LRRC4C: variants seen among roughly 807,000 people sequenced by gnomAD.
LRRC4C encodes the protein leucine-rich repeat-containing protein 4C.
A neutral mutation model predicts 33.6 loss-of-function variants in LRRC4C; 5 were observed. That is an observed-to-expected ratio of 0.15 (90% CI 0.08 to 0.31). The LOEUF (loss-of-function observed/expected upper bound fraction) is 0.31, where lower values mean the gene tolerates loss of function less well. Among genes scored for constraint, LRRC4C ranks in the 10% least tolerant of loss-of-function variants. The probability of loss-of-function intolerance (pLI) is 1.00; values close to 1 mark genes in which losing one functional copy is unlikely to be tolerated. For missense variants in LRRC4C, 560 were observed against 796.7 expected (o/e 0.70, Z 3.58); for synonymous variants, 329 against 302.0 (o/e 1.09, Z -0.93).
At chr11:40,986,158 T>C (rs985201226) in intron 1 of LRRC4C, among the ~76,000 whole-genome samples, 1 of 152,156 alleles carries the variant, frequency 6.6e-6, no homozygotes, top group Non-Finnish European at 1.5e-5. Context: ...CAAAGTGATA[T>C]GATATAAAAG....
chr11:40,511,662 G>A (rs1955322129), intron 3 of LRRC4C, among the ~76,000 whole-genome samples: 2 of 152,146 alleles, frequency 1.3e-5, no homozygotes, highest in African/African-American at 2.4e-5. Flanking sequence ...CTCCAGACTC[G>A]AAACTGAAGC....
At position 40,194,577 on chromosome 11, in the gene LRRC4C, A is replaced by G. The variant is rs1014030397; in HGVS notation, c.-96+46942T>C. Among the ~76,000 whole-genome samples the G allele has an allele frequency of 3.3e-5, 5 of 150,688 alleles. No homozygotes were observed. The East Asian group carries it at 1.0e-3, about 30-fold the overall frequency. ...TAAGTGGGAGCTGAGCAATGAGAAC[A>G]TATGGGCACAGTGGGGGGAACATCA... On this transcript the variant is annotated intron_variant, in intron 5 of 6. Coordinates refer to ENST00000528697, the MANE Select transcript of LRRC4C (RefSeq NM_001258419.2).
intron 2 of LRRC4C, among the ~76,000 whole-genome samples, chr11:40,922,754 G>C (rs1957236549): frequency 6.6e-6 from 1 of 152,196 alleles, no homozygotes; most frequent in Admixed American, 6.5e-5. Context: ...ACAAATGCAA[G>C]GGCAGTAATA....
At position 41,072,647 on chromosome 11, in the gene LRRC4C, T is replaced by C. The variant is rs75378171; in HGVS notation, c.-495-138924A>G. ...AAGTCAATGAGACCTCATTTCTTTA[T>C]AAATTGCCCAGTATCAGGTAGTTCT... On this transcript the variant is annotated intron_variant, in intron 1 of 6. Transcript: ENST00000528697. Among the ~76,000 whole-genome samples, 575 of 152,240 alleles carry C rather than the reference T, an allele frequency of 3.8e-3. 3 individuals are homozygous for C. The highest frequency in any genetic ancestry group is 0.013 in the African/African-American group (533 of 41,540).
chr11:40,678,744 G>GC (rs1254803306), intron 2 of LRRC4C, among the ~76,000 whole-genome samples: 5 of 151,952 alleles, frequency 3.3e-5, no homozygotes, highest in African/African-American at 1.2e-4. Flanking sequence ...GGATTGTTAG[G>GC]CCCCCCAGCC....
At chr11:40,118,721 G>T (rs533418719) in intron 6 of LRRC4C, among the ~76,000 whole-genome samples, 51 of 152,254 alleles carry the variant, frequency 3.3e-4, no homozygotes, top group African/African-American at 1.2e-3. Flanking sequence ...GAAGGCCTGA[G>T]GACGAGAATG....
intron 1 of LRRC4C, among the ~76,000 whole-genome samples, chr11:40,975,030 G>T (rs1457017303): frequency 1.3e-5 from 2 of 152,158 alleles, no homozygotes; most frequent in Non-Finnish European, 2.9e-5. Context: ...TCTCCAGCCT[G>T]CAGATGTCCT....
chr11:40,562,250 C>T (rs1450775538), intron 3 of LRRC4C, among the ~76,000 whole-genome samples: 1 of 152,132 alleles, frequency 6.6e-6, no homozygotes, highest in Non-Finnish European at 1.5e-5. Context: ...CAACATGAAG[C>T]AACTAGATTT....
In LRRC4C at chr11:41,123,466, G is replaced by T. The variant is rs934524679; in HGVS notation, c.-495-189743C>A. Among the ~76,000 whole-genome samples the T allele has an allele frequency of 2.0e-5, 3 of 150,422 alleles. No homozygotes were observed. The South Asian group carries it at 6.4e-4, about 32-fold the overall frequency. Reference sequence around the variant, plus strand: ...TTTTTGTATTTTTAGTAGAGACGGGGTTTCACCGTTTTAGCCGGGATGGTC... The same window carrying T: ...TTTTTGTATTTTTAGTAGAGACGGGTTTTCACCGTTTTAGCCGGGATGGTC... On this transcript the variant is annotated intron_variant, in intron 1 of 6. Coordinates refer to ENST00000528697, the MANE Select transcript of LRRC4C (RefSeq NM_001258419.2).
intron 3 of LRRC4C, among the ~76,000 whole-genome samples, chr11:40,579,246 G>A (rs1484614082): frequency 6.6e-6 from 1 of 151,756 alleles, no homozygotes; most frequent in African/African-American, 2.4e-5. Context: ...AGAGGCACAA[G>A]AGCTTGAACC....
intron 3 of LRRC4C, among the ~76,000 whole-genome samples, chr11:40,478,347 T>C (rs1400314824): frequency 6.6e-6 from 1 of 152,194 alleles, no homozygotes; most frequent in Non-Finnish European, 1.5e-5. Flanking sequence ...AGTTATCCTA[T>C]TAATTCTGGC....
intron 1 of LRRC4C, among the ~76,000 whole-genome samples, chr11:41,458,876 A>G (rs899314747): frequency 3.3e-5 from 5 of 152,128 alleles, no homozygotes; most frequent in South Asian, 4.1e-4. Context: ...ATTTGCTCCA[A>G]TTAAGAGCTG....
At chr11:40,544,696 T>C (rs1380074416) in intron 3 of LRRC4C, among the ~76,000 whole-genome samples, 2 of 152,114 alleles carry the variant, frequency 1.3e-5, no homozygotes, top group Middle Eastern at 3.2e-3. Flanking sequence ...TTTAGTTACT[T>C]AGATATATTT....
chr11:40,806,090 A>G (rs1168203091), intron 2 of LRRC4C, among the ~76,000 whole-genome samples: 4 of 152,182 alleles, frequency 2.6e-5, no homozygotes, highest in Non-Finnish European at 5.9e-5. Flanking sequence ...TGAAACCTTC[A>G]TTTTTATAAA....
intron 6 of LRRC4C, among the ~76,000 whole-genome samples, chr11:40,117,356 C>T (rs557991298): frequency 2.6e-5 from 4 of 152,010 alleles, no homozygotes; most frequent in Non-Finnish European, 4.4e-5. Flanking sequence ...TCTCATATAC[C>T]AACTCATTAT....
chr11:41,277,778 A>AT (rs965819068), intron 1 of LRRC4C, among the ~76,000 whole-genome samples: 1 of 152,042 alleles, frequency 6.6e-6, no homozygotes, highest in Non-Finnish European at 1.5e-5. Flanking sequence ...CCTTTCATTG[A>AT]TTTTTTTCAA....
At chr11:41,366,808 A>G (rs959283743) in intron 1 of LRRC4C, among the ~76,000 whole-genome samples, 3 of 152,186 alleles carry the variant, frequency 2.0e-5, no homozygotes, top group African/African-American at 7.2e-5. Context: ...TCTATCTACA[A>G]GACAAGGAGA....
intron 2 of LRRC4C, among the ~76,000 whole-genome samples, chr11:40,738,086 T>C (rs1947975756): frequency 6.6e-6 from 1 of 152,186 alleles, no homozygotes; most frequent in Non-Finnish European, 1.5e-5. Context: ...AACCATCTGA[T>C]CTTTGACAAA....
intron 3 of LRRC4C, among the ~76,000 whole-genome samples, chr11:40,522,514 T>G (rs890462997): frequency 3.9e-5 from 6 of 152,196 alleles, no homozygotes; most frequent in African/African-American, 1.4e-4. Context: ...ATAAGTCTCA[T>G]GAGATCTGAT....
Sources: allele counts gnomAD v4.1 joint callset (sites outside exome capture counted in the v4.1 genomes callset), GRCh38; gene constraint gnomAD v4.1.1; transcripts MANE v1.5; gene names NCBI Gene and HGNC (gene_info 2026-07-23, HGNC 2026-07-21).